Variants in BAIAP2L1 observed in about 807,000 individuals in gnomAD.
BAIAP2L1 encodes BAR/IMD domain containing adaptor protein 2 like 1.
A neutral mutation model predicts 66.3 loss-of-function variants in BAIAP2L1; 35 were observed. The ratio of observed to expected loss-of-function variants is 0.53; its 90% CI spans 0.40 to 0.70. The LOEUF is 0.70. BAIAP2L1 is among the 30% of genes least tolerant of loss of function. The pLI is 0.00. For synonymous variants in BAIAP2L1, 269 were observed against 248.7 expected (o/e 1.08, Z -0.77); for missense variants, 622 against 656.9 (o/e 0.95, Z 0.58).
chr7:98,386,558 A>C (rs955486480), intron 1 of BAIAP2L1: 4 of 1,596,976 alleles, frequency 2.5e-6, no homozygotes, highest in Non-Finnish European at 3.4e-6. Flanking sequence ...CGCCTTTCGT[A>C]AGGCGCTTGT....
At chr7:98,377,815 A>ATTG (rs1802667982) in intron 1 of BAIAP2L1, among the ~76,000 whole-genome samples, 1 of 78,488 alleles carries the variant, frequency 1.3e-5, no homozygotes, top group Non-Finnish European at 2.4e-5. Context: ...GTGAGACTCA[A>ATTG]TCTCAAAAAA....
In BAIAP2L1 at chr7:98,383,177, GAAAC is replaced by G. The variant is rs539510541; in HGVS notation, c.51+17621_51+17624del. Among the ~76,000 whole-genome samples, 155 of 136,584 alleles carry G rather than the reference GAAAC, an allele frequency of 1.1e-3. 3 individuals carry two copies. In the South Asian group the frequency reaches 0.03, roughly 27 times the overall value. The allele number at this position is 136,584 out of a possible 152,430, so 89.6% of individuals were successfully genotyped here. On this transcript the variant is annotated intron_variant, in intron 1 of 13. Coordinates refer to ENST00000005260, the MANE Select transcript of BAIAP2L1 (RefSeq NM_018842.5). ...GACTCTGTCTCAAAGTATCAAAAAA[GAAAC>G]AAACAAACAAAAAAAAGAAAAGAAA...
chr7:98,342,371 G>C lies in BAIAP2L1; in HGVS notation c.214+12671C>G, dbSNP rs78409671. On this transcript the variant is annotated intron_variant, in intron 3 of 13. Transcript: ENST00000005260. ...GGCTGAGCCACCGTTCCTGGCTTCTGCTCTAATTTTTAGACCAAAGACTGT... is the reference window on the plus strand; with the variant it reads ...GGCTGAGCCACCGTTCCTGGCTTCTCCTCTAATTTTTAGACCAAAGACTGT... 8.3e-3 allele frequency among the ~76,000 whole-genome samples: 1,270 copies of C among 152,130 alleles called. 16 individuals are homozygous for C. The highest frequency in any genetic ancestry group is 0.029 in the African/African-American group (1,211 of 41,516).
chr7:98,317,510 C>T (rs1041257500), intron 5 of BAIAP2L1, among the ~76,000 whole-genome samples, 154 bp from the exon 6 acceptor site: 7 of 148,622 alleles, frequency 4.7e-5, no homozygotes, highest in African/African-American at 1.5e-4. Flanking sequence ...CCCACACCCA[C>T]ACCAGTTCAC....
chr7:98,379,929 G>A (rs1802717670), intron 1 of BAIAP2L1, among the ~76,000 whole-genome samples: 1 of 152,158 alleles, frequency 6.6e-6, no homozygotes, highest in East Asian at 1.9e-4. Context: ...GATAGCAAAT[G>A]GGGATGAAGG....
At chr7:98,325,950 C>A (rs1460439756) in intron 3 of BAIAP2L1, among the ~76,000 whole-genome samples, 1 of 152,184 alleles carries the variant, frequency 6.6e-6, no homozygotes, top group Non-Finnish European at 1.5e-5. Flanking sequence ...AGTCCCTGGA[C>A]GCAGTTGGAA....
intron 1 of BAIAP2L1, among the ~76,000 whole-genome samples, chr7:98,369,685 T>C (rs1470507269): frequency 6.9e-6 from 1 of 145,714 alleles, no homozygotes; most frequent in Non-Finnish European, 1.5e-5. Context: ...TTTTTTTTTT[T>C]TTTTGAGCTA....
At chr7:98,340,033 C>T (rs569563947) in intron 3 of BAIAP2L1, among the ~76,000 whole-genome samples, 1 of 152,256 alleles carries the variant, frequency 6.6e-6, no homozygotes, top group Non-Finnish European at 1.5e-5. Flanking sequence ...TCTTGAGTTA[C>T]TAGGACACAC....
chr7:98,371,097 C>T (rs1802501996), intron 1 of BAIAP2L1, among the ~76,000 whole-genome samples: 1 of 152,056 alleles, frequency 6.6e-6, no homozygotes, highest in Admixed American at 6.6e-5. Context: ...ATGAACAAAT[C>T]CATTTTAATT....
chr7:98,309,564 G>A (rs1370736269), intron 9 of BAIAP2L1: 1 of 152,232 alleles, frequency 6.6e-6, no homozygotes, highest in South Asian at 2.1e-4. Context: ...TAACTGACAG[G>A]ACTTCCTTCA....
intron 3 of BAIAP2L1, among the ~76,000 whole-genome samples, chr7:98,322,638 A>T (rs1408790759): frequency 6.6e-6 from 1 of 152,132 alleles, no homozygotes; most frequent in African/African-American, 2.4e-5. Flanking sequence ...CTGTTCCACC[A>T]GAGATGGCGG....
chr7:98,315,614 T>TAAAAAAA lies in BAIAP2L1; in HGVS notation c.487-9_487-3dup, dbSNP rs80039560. On this transcript the variant is annotated splice_polypyrimidine_tract_variant and splice_region_variant and intron_variant, in intron 6 of 13. Coordinates refer to ENST00000005260, the MANE Select transcript of BAIAP2L1 (RefSeq NM_018842.5). ...ACGAGAAGTAACGGTCTCCACATAC[T>TAAAAAAA]AAAAAAAAAAAAATAATAATAATAA... 4 of 677,788 alleles carry TAAAAAAA rather than the reference T, an allele frequency of 5.9e-6. No homozygotes were observed. In the African/African-American group the frequency reaches 8.2e-5, roughly 14 times the overall value. The allele number at this position is 677,788 out of a possible 1,614,324, so 42.0% of individuals were successfully genotyped here.
At chr7:98,332,354 G>C (rs1177240682) in intron 3 of BAIAP2L1, among the ~76,000 whole-genome samples, 1 of 110,004 alleles carries the variant, frequency 9.1e-6, no homozygotes, top group Non-Finnish European at 1.7e-5. Flanking sequence ...CTGCACTCCA[G>C]CCTGGGTGAC....
At chr7:98,383,083 A>C (rs1802796026) in intron 1 of BAIAP2L1, among the ~76,000 whole-genome samples, 1 of 152,022 alleles carries the variant, frequency 6.6e-6, no homozygotes, top group South Asian at 2.1e-4. Context: ...GAATCACTTG[A>C]ACCCAGGAGG....
intron 1 of BAIAP2L1, 35 bp from the exon 2 acceptor site, chr7:98,362,467 T>C (rs776754740): frequency 1.3e-6 from 2 of 1,567,208 alleles, no homozygotes; most frequent in Non-Finnish European, 1.7e-6. Context: ...ATTAATAAAA[T>C]AAAAAATAAA....
intron 3 of BAIAP2L1, among the ~76,000 whole-genome samples, chr7:98,333,939 T>A (rs990550747): frequency 2.6e-5 from 4 of 152,178 alleles, no homozygotes; most frequent in Non-Finnish European, 5.9e-5. Context: ...AAAAGAGGCA[T>A]TTAAAAATAA....
intron 11 of BAIAP2L1, among the ~76,000 whole-genome samples, chr7:98,306,174 G>T (rs1246777259): frequency 6.6e-6 from 1 of 152,182 alleles, no homozygotes; most frequent in Non-Finnish European, 1.5e-5. Context: ...GCGACCAGGA[G>T]GGGCAGGGCA....
chr7:98,366,969 G>A (rs1178468188), intron 1 of BAIAP2L1, among the ~76,000 whole-genome samples: 23 of 151,996 alleles, frequency 1.5e-4, no homozygotes, highest in Admixed American at 1.5e-3. Flanking sequence ...ACCACACACT[G>A]TAGCCCCAAA....
Position 98,317,317 on chromosome 7 carries a change from A to C in BAIAP2L1, c.388T>G (p.Leu130Val), listed in dbSNP as rs1220792321. 8 of 1,613,984 alleles carry C rather than the reference A, an allele frequency of 5.0e-6. No homozygotes were observed. Among genetic ancestry groups the C allele is most frequent in the African/African-American group, 1.3e-5 (1 of 74,894 alleles). Residue 130 changes from leucine to valine, a missense_variant, in exon 6 of 14, where the codon TTA becomes GTA. Physicochemically the swap from Leu to Val is conservative, Grantham distance 32 (BLOSUM62 1). Transcript: ENST00000005260. ...KRYQTEHKNK[L>V]ESLEKSQAEL... Reference sequence around the variant, plus strand: ...GCTTGGGATTTCTCCAAAGACTCTAATTTATTCTTGTGTTCTGTTTGGTAT... The same window carrying C: ...GCTTGGGATTTCTCCAAAGACTCTACTTTATTCTTGTGTTCTGTTTGGTAT...
Sources: gnomAD v4.1 joint callset for allele counts (sites outside exome capture counted in the v4.1 genomes callset) on GRCh38, gnomAD v4.1.1 for gene constraint, MANE v1.5 for transcripts, NCBI Gene and HGNC (gene_info 2026-07-23, HGNC 2026-07-21) for gene names.